The following DACH2 variants were observed in gnomAD, a reference collection of about 807,000 sequenced individuals.
DACH2 encodes the protein dachshund family transcription factor 2, also known as dachshund homolog 2.
DACH2 carries 17 observed loss-of-function variants against 35.8 expected under a neutral mutation model. The observed-to-expected ratio is 0.48, with a 90% CI of 0.33 to 0.71. DACH2 has a LOEUF of 0.71. Among genes scored for constraint, DACH2 ranks in the 30% least tolerant of loss-of-function variants. The pLI is 0.02. For synonymous variants in DACH2, 195 were observed against 177.3 expected (o/e 1.10, Z -0.79); for missense variants, 469 against 472.7 (o/e 0.99, Z 0.07).
chrX:86,445,023 G>A (rs1431597423), intron 2 of DACH2, among the ~76,000 whole-genome samples: 1 of 110,690 alleles, frequency 9.0e-6, no homozygotes, highest in African/African-American at 3.3e-5. Flanking sequence ...GAAAGGCAGG[G>A]GAAAGACTTT....
At chrX:86,681,923 C>T (rs375363400) in intron 4 of DACH2, among the ~76,000 whole-genome samples, 1 of 110,596 alleles carries the variant, frequency 9.0e-6, no homozygotes, top group African/African-American at 3.3e-5. Context: ...CTTTTCTCTT[C>T]AGGCATCAAC....
chrX:86,606,390 A>G (rs999362353), intron 3 of DACH2, among the ~76,000 whole-genome samples: 2 of 105,137 alleles, frequency 1.9e-5, no homozygotes, highest in Non-Finnish European at 3.9e-5. Context: ...CTGTGTTTCC[A>G]TTATCATTTG....
chrX:86,496,024 C>A (rs2038164831), intron 2 of DACH2, among the ~76,000 whole-genome samples: 1 of 111,060 alleles, frequency 9.0e-6, no homozygotes, highest in South Asian at 3.7e-4. Context: ...TGTATAAAGG[C>A]TCAGAACAGT....
At chrX:86,359,846 G>A (rs769250484) in intron 1 of DACH2, among the ~76,000 whole-genome samples, 2 of 110,922 alleles carry the variant, frequency 1.8e-5, no homozygotes, top group Admixed American at 9.7e-5. Flanking sequence ...CCTGCCCAGC[G>A]AGTACATTTG....
chrX:86,699,852 C>T (rs899330356), intron 5 of DACH2, among the ~76,000 whole-genome samples: 1 of 111,487 alleles, frequency 9.0e-6, no homozygotes, highest in Admixed American at 9.6e-5. Context: ...CTATAAACTT[C>T]AATACTAACA....
intron 1 of DACH2, among the ~76,000 whole-genome samples, chrX:86,285,667 T>G (rs2034129524): frequency 8.9e-6 from 1 of 112,006 alleles, no homozygotes; most frequent in Non-Finnish European, 1.9e-5. Context: ...TGTAAATATC[T>G]ATTATGTTCA....
At chrX:86,730,979 T>C (rs1383895585) in intron 6 of DACH2, among the ~76,000 whole-genome samples, 5 of 111,793 alleles carry the variant, frequency 4.5e-5, no homozygotes, top group African/African-American at 1.6e-4. Flanking sequence ...GTTTTCATAA[T>C]GTTACAAGTC....
chrX:86,400,493 T>C (rs965044442), intron 2 of DACH2, among the ~76,000 whole-genome samples: 5 of 111,589 alleles, frequency 4.5e-5, no homozygotes, highest in Non-Finnish European at 7.5e-5. Context: ...CTCTGTTTTT[T>C]CCCCATCTTT....
chrX:86,356,723 T>TA (rs1216741257), intron 1 of DACH2, among the ~76,000 whole-genome samples: 2 of 111,349 alleles, frequency 1.8e-5, no homozygotes, highest in East Asian at 2.8e-4. Context: ...GTAATTTATT[T>TA]AAAAAAATTA....
chrX:86,471,835 A>G (rs1267596288), intron 2 of DACH2, among the ~76,000 whole-genome samples: 1 of 111,703 alleles, frequency 9.0e-6, no homozygotes, highest in Admixed American at 9.5e-5. Flanking sequence ...TGTACTTAAT[A>G]ACCACCTATT....
In DACH2 at chrX:86,513,966, C is replaced by T. The variant is rs897725914; in HGVS notation, c.528-313C>T. ...GCATTTATTAATACTTCAGATCAAGCGTAGCTTTAAAAGCAGGGGTAACTT... is the reference window on the plus strand; with the variant it reads ...GCATTTATTAATACTTCAGATCAAGTGTAGCTTTAAAAGCAGGGGTAACTT... On this transcript the variant is annotated intron_variant, in intron 2 of 11. Transcript: ENST00000373125. Among the ~76,000 whole-genome samples the T allele has an allele frequency of 4.5e-5, 5 of 111,461 alleles. No individual in the cohort carries two copies. In the East Asian group the frequency reaches 8.5e-4, roughly 19 times the overall value.
At chrX:86,169,682 G>T (rs753576971) in intron 1 of DACH2, among the ~76,000 whole-genome samples, 123 of 109,710 alleles carry the variant, frequency 1.1e-3, no homozygotes, top group Non-Finnish European at 1.4e-3. Flanking sequence ...AAAAATTTGT[G>T]CTTGATTATT....
chrX:86,395,916 C>T (rs1295070573), intron 2 of DACH2, among the ~76,000 whole-genome samples: 2 of 111,496 alleles, frequency 1.8e-5, no homozygotes, highest in African/African-American at 6.5e-5. Flanking sequence ...AATGGGATGG[C>T]TGGGTCAAAT....
At chrX:86,297,847 T>A (rs1343272133) in intron 1 of DACH2, among the ~76,000 whole-genome samples, 1 of 111,956 alleles carries the variant, frequency 8.9e-6, no homozygotes, top group Non-Finnish European at 1.9e-5. Flanking sequence ...CTGGAACACT[T>A]TTGAAAGTGA....
chrX:86,712,749 C>T (rs1228276334), intron 5 of DACH2, among the ~76,000 whole-genome samples: 1 of 110,779 alleles, frequency 9.0e-6, no homozygotes, highest in African/African-American at 3.3e-5. Flanking sequence ...TGTTTCAGAG[C>T]TCATAAGTTT....
At chrX:86,690,141 C>T (rs1030531042) in intron 4 of DACH2, among the ~76,000 whole-genome samples, 5 of 111,978 alleles carry the variant, frequency 4.5e-5, no homozygotes, top group Non-Finnish European at 9.4e-5. Flanking sequence ...TTCTTAACAA[C>T]ACGGTGCTAA....
rs1204721560 is a variant in DACH2 at position 86,669,916 on chromosome X, G to A, written c.772+18749G>A. On this transcript the variant is annotated intron_variant, in intron 4 of 11. Coordinates refer to ENST00000373125, the MANE Select transcript of DACH2 (RefSeq NM_053281.3). ...TAGCATTAGGTTTTTTTTTTAAATG[G>A]TATGTAACACTGTCACAGGGGTCTC... Among the ~76,000 whole-genome samples the A allele has an allele frequency of 2.7e-5, 3 of 110,246 alleles. No individual in the cohort carries two copies. In the Admixed American group the frequency reaches 2.9e-4, roughly 11 times the overall value.
intron 2 of DACH2, among the ~76,000 whole-genome samples, chrX:86,380,728 A>T (rs1443233525): frequency 9.1e-6 from 1 of 110,400 alleles, no homozygotes; most frequent in African/African-American, 3.3e-5. Context: ...ATGACCACTA[A>T]TCCTAAAATC....
At chrX:86,412,251 T>A (rs750077752) in intron 2 of DACH2, among the ~76,000 whole-genome samples, 10 of 111,561 alleles carry the variant, frequency 9.0e-5, no homozygotes, top group Non-Finnish European at 1.7e-4. Flanking sequence ...AATGTAATGT[T>A]GTGGGAACGG....
Sources: allele counts gnomAD v4.1 joint callset (sites outside exome capture counted in the v4.1 genomes callset), GRCh38; gene constraint gnomAD v4.1.1; transcripts MANE v1.5; gene names NCBI Gene and HGNC (gene_info 2026-07-23, HGNC 2026-07-21).